SPTBN1: variants seen among roughly 807,000 people sequenced by gnomAD.
The protein encoded by SPTBN1 is spectrin beta chain, non-erythrocytic 1.
A neutral mutation model predicts 266.4 loss-of-function variants in SPTBN1; 32 were observed. The ratio of observed to expected loss-of-function variants is 0.12; its 90% confidence interval spans 0.09 to 0.16. The LOEUF (loss-of-function observed/expected upper bound fraction) is 0.16, where lower values mean the gene tolerates loss of function less well. Ranked by LOEUF, SPTBN1 falls within the 10% of genes least tolerant of loss-of-function variation. The pLI, the probability that SPTBN1 is intolerant of heterozygous loss-of-function variation, is 1.00. For synonymous variants in SPTBN1, 1,336 were observed against 1,162.2 expected, an observed-to-expected ratio of 1.15 and a Z score of -3.04; for missense variants, 2,296 against 3,067.1, an observed-to-expected ratio of 0.75 and a Z score of 5.94.
At chr2:54,519,929 A>G (rs1291212651) in intron 1 of SPTBN1, among the ~76,000 whole-genome samples, 1 of 152,042 alleles carries the variant, frequency 6.6e-6, no homozygotes, top group Non-Finnish European at 1.5e-5. Context: ...AGAAGTGGGG[A>G]TGCCATTCAG....
At chr2:54,481,440 GTTT>G (rs1267813018) in intron 1 of SPTBN1, among the ~76,000 whole-genome samples, 3 of 73,850 alleles carry the variant, frequency 4.1e-5, no homozygotes, top group Admixed American at 1.4e-4. Context: ...GTGTGTGTGT[GTTT>G]TGTTTTGTTT....
intron 2 of SPTBN1, among the ~76,000 whole-genome samples, chr2:54,563,697 G>A (rs1216000847): frequency 2.7e-5 from 4 of 147,132 alleles, no homozygotes; most frequent in South Asian, 2.2e-4. Context: ...TCTGCCTTCC[G>A]GGTTCAAGCG....
chr2:54,575,774 T>G (rs967510389), intron 2 of SPTBN1, among the ~76,000 whole-genome samples: 2 of 152,220 alleles, frequency 1.3e-5, no homozygotes, highest in Admixed American at 1.3e-4. Context: ...TATCGGGAAC[T>G]CCTTTGAATC....
chr2:54,476,965 G>A (rs1313886467), intron 1 of SPTBN1, among the ~76,000 whole-genome samples: 1 of 151,748 alleles, frequency 6.6e-6, no homozygotes, highest in Non-Finnish European at 1.5e-5. Flanking sequence ...ACATATCTTA[G>A]TGGTTATAAA....
intron 2 of SPTBN1, among the ~76,000 whole-genome samples, chr2:54,538,687 T>A (rs1406241960): frequency 3.9e-5 from 6 of 152,240 alleles, no homozygotes; most frequent in African/African-American, 1.4e-4. Context: ...AACTCTCAGA[T>A]AATGACATCA....
chr2:54,639,923 A>G (rs1300610968), intron 18 of SPTBN1, among the ~76,000 whole-genome samples: 1 of 152,120 alleles, frequency 6.6e-6, no homozygotes, highest in Non-Finnish European at 1.5e-5. Context: ...ATCCTGGTTT[A>G]TCCTGTCTTC....
rs773192738 is a variant in SPTBN1 at position 54,599,261 on chromosome 2, G to A, written c.300+18G>A. On this transcript the variant is annotated intron_variant, in intron 3 of 35. Transcript: ENST00000356805. ...AGAGGCTGGTGAGTGGAGACCTTAG[G>A]AAGTGCCGTGTGTTGTAGGTGGAAA... The A allele has an allele frequency of 2.5e-6, 4 of 1,612,950 alleles. 1 individual carries two copies. In the South Asian group the frequency reaches 3.3e-5, roughly 13 times the overall value.
At chr2:54,666,303 A>C (rs1305328544) in intron 34 of SPTBN1, among the ~76,000 whole-genome samples, 1 of 152,252 alleles carries the variant, frequency 6.6e-6, no homozygotes, top group African/African-American at 2.4e-5. Flanking sequence ...GGTTAACAGT[A>C]CATCTGAGCA....
chr2:54,493,988 G>A (rs1254818554), intron 1 of SPTBN1, among the ~76,000 whole-genome samples: 2 of 152,212 alleles, frequency 1.3e-5, no homozygotes, highest in Admixed American at 6.5e-5. Flanking sequence ...TTCAACACTT[G>A]AAGATAATCA....
intron 1 of SPTBN1, among the ~76,000 whole-genome samples, chr2:54,505,850 C>T (rs182877986): frequency 2.0e-5 from 3 of 152,188 alleles, no homozygotes; most frequent in Admixed American, 1.3e-4. Context: ...CTGGGCCAGG[C>T]GCGGTGGCTC....
chr2:54,530,730 C>G (rs1671184962), intron 2 of SPTBN1, among the ~76,000 whole-genome samples: 1 of 152,116 alleles, frequency 6.6e-6, no homozygotes, highest in African/African-American at 2.4e-5. Context: ...GCTTTTAATT[C>G]AATGCAGTAT....
intron 1 of SPTBN1, among the ~76,000 whole-genome samples, chr2:54,462,167 A>G (rs1693399990): frequency 6.6e-6 from 1 of 152,240 alleles, no homozygotes; most frequent in African/African-American, 2.4e-5. Context: ...AGCAGTGTAC[A>G]GTTCCAGGCA....
intron 2 of SPTBN1, among the ~76,000 whole-genome samples, chr2:54,550,890 A>T (rs1041595663): frequency 2.6e-4 from 39 of 152,154 alleles, no homozygotes; most frequent in Non-Finnish European, 5.9e-5. Context: ...GTGTCAGATG[A>T]GTTGACTTGG....
At chr2:54,630,633 C>T (rs1002698110) in intron 15 of SPTBN1, among the ~76,000 whole-genome samples, 1 of 152,232 alleles carries the variant, frequency 6.6e-6, no homozygotes, top group Non-Finnish European at 1.5e-5. Context: ...TAACACATTC[C>T]TCTTCGTGAC....
chr2:54,612,865 T>A (rs762413649), intron 4 of SPTBN1, among the ~76,000 whole-genome samples: 2 of 152,184 alleles, frequency 1.3e-5, no homozygotes, highest in African/African-American at 4.8e-5. Flanking sequence ...TACAAAACTC[T>A]TGTGTTTCTT....
chr2:54,503,571 C>T (rs925871120), intron 1 of SPTBN1, among the ~76,000 whole-genome samples: 1 of 152,172 alleles, frequency 6.6e-6, no homozygotes, highest in African/African-American at 2.4e-5. Context: ...AGCATGAAAG[C>T]GACCATCCTT....
intron 32 of SPTBN1, 169 bp downstream of exon 32, chr2:54,660,168 TA>T (rs1450994257): frequency 4.6e-6 from 7 of 1,519,784 alleles, no homozygotes; most frequent in Non-Finnish European, 5.3e-6. Flanking sequence ...CCCAAAATGT[TA>T]AAATTTTTAC....
intron 32 of SPTBN1, chr2:54,662,128 G>C (rs1681090406): frequency 1.0e-6 from 1 of 985,348 alleles, no homozygotes; most frequent in South Asian, 4.7e-5. Flanking sequence ...AGCCACTAAA[G>C]CACTCTGGAC....
At chr2:54,652,806 C>T (rs139432885) in intron 26 of SPTBN1, 2 of 152,304 alleles carry the variant, frequency 1.3e-5, no homozygotes, top group Non-Finnish European at 2.9e-5. Flanking sequence ...ATGTTTAAGA[C>T]CCATTTGCAT....
Sources: allele counts gnomAD v4.1 joint callset (sites outside exome capture counted in the v4.1 genomes callset), GRCh38; gene constraint gnomAD v4.1.1; transcripts MANE v1.5; gene names NCBI Gene and HGNC (gene_info 2026-07-23, HGNC 2026-07-21).